The following RGS7 variants were observed in gnomAD, a reference collection of about 807,000 sequenced individuals.
RGS7 encodes regulator of G-protein signaling 7.
A neutral mutation model predicts 81.1 loss-of-function variants in RGS7; 27 were observed. The observed-to-expected ratio is 0.33, with a 90% confidence interval of 0.25 to 0.46. The LOEUF (loss-of-function observed/expected upper bound fraction) is 0.46, where lower values mean the gene tolerates loss of function less well. Among genes scored for constraint, RGS7 ranks in the 20% least tolerant of loss-of-function variants. The pLI is 1.00. For missense variants in RGS7, 396 were observed against 607.4 expected (o/e 0.65, Z 3.66); for synonymous variants, 208 against 207.7 (o/e 1.00, Z -0.01).
At chr1:240,993,242 AAG>A (rs768280825) in intron 3 of RGS7, among the ~76,000 whole-genome samples, 25 of 150,904 alleles carry the variant, frequency 1.7e-4, no homozygotes, top group Non-Finnish European at 3.4e-4. Flanking sequence ...AGGAGAAAGA[AAG>A]AGAGGAAAGA....
chr1:240,846,418 C>G (rs1659095294), intron 9 of RGS7, among the ~76,000 whole-genome samples: 1 of 152,110 alleles, frequency 6.6e-6, no homozygotes, highest in Admixed American at 6.5e-5. Flanking sequence ...ACAGGATTAT[C>G]CCCTTATTCC....
chr1:241,155,808 A>T (rs991473344), intron 2 of RGS7, among the ~76,000 whole-genome samples: 1 of 152,178 alleles, frequency 6.6e-6, no homozygotes, highest in Non-Finnish European at 1.5e-5. Flanking sequence ...AGTGATTTTT[A>T]AAAATCTCAT....
intron 9 of RGS7, among the ~76,000 whole-genome samples, chr1:240,858,851 G>A (rs138311930): frequency 1.7e-3 from 254 of 152,232 alleles, no homozygotes; most frequent in African/African-American, 5.8e-3. Context: ...CTTCACTGTG[G>A]TGTAAAATTC....
At chr1:241,025,589 G>A (rs1235510801) in intron 3 of RGS7, among the ~76,000 whole-genome samples, 1 of 152,058 alleles carries the variant, frequency 6.6e-6, no homozygotes, top group Non-Finnish European at 1.5e-5. Context: ...CCACATTGCT[G>A]AGAACTGATG....
At chr1:241,053,989 T>G (rs1354472919) in intron 3 of RGS7, among the ~76,000 whole-genome samples, 2 of 152,236 alleles carry the variant, frequency 1.3e-5, no homozygotes, top group African/African-American at 4.8e-5. Context: ...CGGGTACGTC[T>G]TTATCAGCAG....
chr1:240,816,130 T>A (rs559861033), intron 11 of RGS7, among the ~76,000 whole-genome samples, 187 bp downstream of exon 11: 3 of 152,220 alleles, frequency 2.0e-5, no homozygotes, highest in Non-Finnish European at 2.9e-5. Flanking sequence ...CATATATTGA[T>A]ACATTTTCAA....
At chr1:241,149,190 A>T (rs558404091) in intron 2 of RGS7, among the ~76,000 whole-genome samples, 2 of 152,086 alleles carry the variant, frequency 1.3e-5, no homozygotes, top group South Asian at 4.2e-4. Flanking sequence ...TTTTGAGATG[A>T]AGTCTTGCTC....
At chr1:240,936,424 T>C (rs572266539) in intron 5 of RGS7, among the ~76,000 whole-genome samples, 176 bp downstream of exon 5, 2 of 152,264 alleles carry the variant, frequency 1.3e-5, no homozygotes, top group Non-Finnish European at 2.9e-5. Context: ...ATACTTTATC[T>C]TTCTCTGTGT....
intron 2 of RGS7, among the ~76,000 whole-genome samples, chr1:241,191,047 T>C (rs1558172804): frequency 6.6e-6 from 1 of 152,012 alleles, no homozygotes; most frequent in Non-Finnish European, 1.5e-5. Context: ...AGTGGTGCGA[T>C]CTTGGCTCAC....
chr1:241,031,412 G>A (rs1032343104), intron 3 of RGS7, among the ~76,000 whole-genome samples: 1 of 152,122 alleles, frequency 6.6e-6, no homozygotes, highest in Non-Finnish European at 1.5e-5. Flanking sequence ...TATCTTTGCT[G>A]TTGTGAATTG....
intron 3 of RGS7, among the ~76,000 whole-genome samples, chr1:240,996,284 G>A (rs1687272210): frequency 6.6e-6 from 1 of 152,052 alleles, no homozygotes; most frequent in African/African-American, 2.4e-5. Context: ...GCTGTTAGTT[G>A]GAATATCCTG....
intron 5 of RGS7, among the ~76,000 whole-genome samples, chr1:240,931,335 A>G (rs1675402396): frequency 6.6e-6 from 1 of 152,276 alleles, no homozygotes; most frequent in Middle Eastern, 3.4e-3. Context: ...ACATTTCCTA[A>G]ATTCCTCTTG....
At chr1:240,973,748 C>G (rs950773728) in intron 4 of RGS7, among the ~76,000 whole-genome samples, 4 of 151,912 alleles carry the variant, frequency 2.6e-5, no homozygotes, top group African/African-American at 9.7e-5. Flanking sequence ...CACCACCGCG[C>G]CCGGCTAATT....
intron 2 of RGS7, among the ~76,000 whole-genome samples, chr1:241,315,107 CTTTTTTTTTTTTTTTT>C (rs5782184): frequency 3.5e-5 from 2 of 57,442 alleles, no homozygotes; most frequent in Non-Finnish European, 5.9e-5. Context: ...TCTTCTTCTT[CTTTTTTTTTTTTTTTT>C]TTTTTTTTTT....
At chr1:241,230,778 C>G (rs930235515) in intron 2 of RGS7, among the ~76,000 whole-genome samples, 1 of 152,180 alleles carries the variant, frequency 6.6e-6, no homozygotes, top group African/African-American at 2.4e-5. Context: ...CTTAGGTGTG[C>G]TTGTAGATCG....
chr1:240,818,281 C>T (rs1172050053), intron 10 of RGS7, among the ~76,000 whole-genome samples: 3 of 151,828 alleles, frequency 2.0e-5, no homozygotes, highest in African/African-American at 7.3e-5. Context: ...TAGTACTAAG[C>T]ATTAGGGAAA....
chr1:241,190,083 A>G (rs1376683122), intron 2 of RGS7, among the ~76,000 whole-genome samples: 1 of 151,118 alleles, frequency 6.6e-6, no homozygotes, highest in Admixed American at 6.6e-5. Context: ...AGCCTGGGCG[A>G]CAGAGCAGAC....
intron 2 of RGS7, among the ~76,000 whole-genome samples, chr1:241,100,407 A>C (rs936251835): frequency 6.6e-6 from 1 of 151,856 alleles, no homozygotes; most frequent in Non-Finnish European, 1.5e-5. Flanking sequence ...ATTTCCATCA[A>C]CATAGCTTTA....
intron 2 of RGS7, among the ~76,000 whole-genome samples, chr1:241,293,771 C>A (rs148523751): frequency 0.011 from 1,735 of 152,268 alleles, 17 homozygotes; most frequent in Non-Finnish European, 0.017. Context: ...GAATGGCCAT[C>A]ATTAAAAAGT....
Sources: allele counts gnomAD v4.1 joint callset (sites outside exome capture counted in the v4.1 genomes callset), GRCh38; gene constraint gnomAD v4.1.1; transcripts MANE v1.5; gene names NCBI Gene and HGNC (gene_info 2026-07-23, HGNC 2026-07-21).